FMO3: variants seen among roughly 807,000 people sequenced by gnomAD.
The protein encoded by FMO3 is flavin containing dimethylaniline monoxygenase 3.
A neutral mutation model predicts 39.4 loss-of-function variants in FMO3; 40 were observed. The ratio of observed to expected loss-of-function variants is 1.02; its 90% CI spans 0.79 to 1.32. FMO3 has a LOEUF of 1.32. Ranked by LOEUF, FMO3 falls within the 40% of genes most tolerant of loss-of-function variation. FMO3 has a pLI of 0.00. For missense variants in FMO3, 680 were observed against 651.8 expected (o/e 1.04, Z -0.47); for synonymous variants, 219 against 228.8 (o/e 0.96, Z 0.39).
chr1:171,108,233 C>T lies in FMO3; in HGVS notation c.627+12C>T, dbSNP rs531988135. On this transcript the variant is annotated intron_variant, in intron 5 of 8. Transcript: ENST00000367755. ...GCACAGCAGAACAGGTACTACTCCC[C>T]GGGTACTCGGGTGACTCTCGTTACT... 271 of 1,613,472 alleles carry T rather than the reference C, an allele frequency of 1.7e-4. No homozygotes were observed. The highest frequency in any genetic ancestry group is 2.2e-4 in the Non-Finnish European group (257 of 1,179,686).
At chr1:171,115,814 G>A (rs116805194) in intron 7 of FMO3, among the ~76,000 whole-genome samples, 2 of 152,008 alleles carry the variant, frequency 1.3e-5, no homozygotes, top group African/African-American at 2.4e-5. Flanking sequence ...CACCAAATTC[G>A]ATATCTTATC....
At chr1:171,092,965 A>T (rs6608462) in intron 2 of FMO3, among the ~76,000 whole-genome samples, 175 bp downstream of exon 2, 16 of 152,202 alleles carry the variant, frequency 1.1e-4, no homozygotes, top group African/African-American at 3.1e-4. Flanking sequence ...CTTGCAAGTC[A>T]GAAGTAAATT....
At position 171,103,792 on chromosome 1, in the gene FMO3, C is replaced by A; in HGVS notation, c.140C>A (p.Ala47Glu). 6.2e-7 allele frequency: 1 copy of A among 1,612,586 alleles called. No homozygotes were observed. Among genetic ancestry groups the A allele is most frequent in the Non-Finnish European group, 8.5e-7 (1 of 1,178,738 alleles). The change falls in exon 3 of 9, where the codon GCA becomes GAA. Residue 47 changes from alanine to glutamate, a missense_variant. By Grantham distance (107) the Ala-to-Glu change is moderately radical. Coordinates refer to ENST00000367755, the MANE Select transcript of FMO3 (RefSeq NM_001002294.3). ...GATACTATACATTCACAGGACCATG[C>A]AGAGGAGGGCAGGGCTAGCATTTAC... Reference protein sequence around the residue: ...IGGLWKFSDHAEEGRASIYKS... With the variant: ...IGGLWKFSDHEEEGRASIYKS...
At chr1:171,101,252 T>C (rs1314241083) in intron 2 of FMO3, 4 of 456,038 alleles carry the variant, frequency 8.8e-6, no homozygotes, top group African/African-American at 2.0e-5. Flanking sequence ...GATTCCCGAC[T>C]GCTGACTTCT....
chr1:171,103,093 A>T (rs1655479392), intron 2 of FMO3, among the ~76,000 whole-genome samples: 2 of 152,164 alleles, frequency 1.3e-5, no homozygotes, highest in Non-Finnish European at 2.9e-5. Flanking sequence ...TGACCATTAG[A>T]TGCTTGTGCT....
At chr1:171,095,880 AATT>A (rs1484466213) in intron 2 of FMO3, among the ~76,000 whole-genome samples, 2 of 100,900 alleles carry the variant, frequency 2.0e-5, no homozygotes, top group Admixed American at 1.6e-4. Context: ...TATAAAATAT[AATT>A]ATATTATATA....
chr1:171,113,819 TAAC>T (rs1656017066), intron 6 of FMO3, among the ~76,000 whole-genome samples, 185 bp from the exon 7 acceptor site: 1 of 152,034 alleles, frequency 6.6e-6, no homozygotes, highest in African/African-American at 2.4e-5. Context: ...GGCCAGCAAA[TAAC>T]AACTTCTCTT....
At chr1:171,116,304 A>T (rs1656150015) in intron 8 of FMO3, 24 bp downstream of exon 8, 1 of 1,241,048 alleles carries the variant, frequency 8.1e-7, no homozygotes, top group African/African-American at 1.5e-5. Context: ...TTGTAATAGG[A>T]GTGTAGGATT....
intron 3 of FMO3, among the ~76,000 whole-genome samples, chr1:171,107,097 T>A (rs1218593452): frequency 6.6e-6 from 1 of 152,188 alleles, no homozygotes; most frequent in Non-Finnish European, 1.5e-5. Context: ...AAGATTTTTT[T>A]AAAACAGGGA....
At chr1:171,111,619 T>C (rs907572889) in intron 6 of FMO3, among the ~76,000 whole-genome samples, 1 of 152,184 alleles carries the variant, frequency 6.6e-6, no homozygotes, top group African/African-American at 2.4e-5. Context: ...TACCAATGCT[T>C]GCATCTTCAG....
chr1:171,117,392 C>A lies in FMO3; in HGVS notation c.1549C>A (p.Leu517Ile), dbSNP rs1444357091. 6.2e-7 allele frequency: 1 copy of A among 1,613,106 alleles called. No individual in the cohort carries two copies. The stretch of plus-strand genomic sequence containing the variant: ...TTGCTTCTTTTTCCATTGGCTGAAG[C>A]TCTTTGCAATTCCTATTCTGTTAAT... Reference protein sequence around the residue: ...KPCFFFHWLKLFAIPILLIAV... With the variant: ...KPCFFFHWLKIFAIPILLIAV... The change falls in exon 9 of 9, where the codon CTC becomes ATC. Residue 517 changes from leucine (L) to isoleucine (I), a missense_variant. Transcript: ENST00000367755.
In FMO3 at chr1:171,117,189, G is replaced by A; in HGVS notation, c.1346G>A (p.Trp449Ter). 6.2e-7 allele frequency: 1 copy of A among 1,614,098 alleles called. No homozygotes were observed. The highest frequency in any genetic ancestry group is 8.5e-7 in the Non-Finnish European group (1 of 1,179,974). The change falls in exon 9 of 9, where the codon TGG (tryptophan) becomes TAG (stop). Residue 449 changes from tryptophan (W) to a stop codon, truncating the protein, a stop_gained. Coordinates refer to ENST00000367755, the MANE Select transcript of FMO3 (RefSeq NM_001002294.3). LOFTEE classifies it low-confidence loss of function (END_TRUNC). ...ATTGGGGCAAAGCCCAACATCCCATGGCTGTTTCTCACAGATCCCAAATTG... is the reference window on the plus strand; with the variant it reads ...ATTGGGGCAAAGCCCAACATCCCATAGCTGTTTCTCACAGATCCCAAATTG... ...SFIGAKPNIP[W>*]LFLTDPKLAM...
At chr1:171,099,651 GA>G (rs1352119481) in intron 2 of FMO3, among the ~76,000 whole-genome samples, 2 of 150,558 alleles carry the variant, frequency 1.3e-5, no homozygotes, top group Non-Finnish European at 2.9e-5. Context: ...TAATGGTGGA[GA>G]AAAGATCCCA....
Position 171,107,807 on chromosome 1 carries a change from T to C in FMO3, c.454T>C (p.Tyr152His). 6.2e-7 allele frequency: 1 copy of C among 1,614,000 alleles called. No homozygotes were observed. Among genetic ancestry groups the C allele is most frequent in the South Asian group, 1.1e-5 (1 of 91,088 alleles). The change falls in exon 4 of 9, where the codon TAT (tyrosine) becomes CAT (histidine). Residue 152 changes from tyrosine (Y) to histidine (H), a missense_variant. Tyr to His is a moderately conservative substitution (Grantham distance 83, BLOSUM62 2). Transcript: ENST00000367755. Reference sequence around the variant, plus strand: ...AATGGTTTGTTCCGGACATCATGTGTATCCCAACCTACCAAAAGAGTCCTT... The same window carrying C: ...AATGGTTTGTTCCGGACATCATGTGCATCCCAACCTACCAAAAGAGTCCTT... Reference protein sequence around the residue: ...AVMVCSGHHVYPNLPKESFPG... With the variant: ...AVMVCSGHHVHPNLPKESFPG...
chr1:171,105,909 AATCTTT>A (rs1206635921), intron 3 of FMO3, among the ~76,000 whole-genome samples: 2 of 152,132 alleles, frequency 1.3e-5, no homozygotes, highest in Admixed American at 1.3e-4. Flanking sequence ...ACATTATCTT[AATCTTT>A]ATCTTAATTT....
intron 6 of FMO3, 128 bp from the exon 7 acceptor site, chr1:171,113,879 G>T: frequency 1.7e-6 from 1 of 604,946 alleles, no homozygotes; most frequent in Non-Finnish European, 2.9e-6. Flanking sequence ...AGCCATATTG[G>T]AGATACTCTA....
At chr1:171,110,717 C>A in intron 5 of FMO3, 81 bp from the exon 6 acceptor site, 1 of 1,291,452 alleles carries the variant, frequency 7.7e-7, no homozygotes, top group Non-Finnish European at 1.1e-6. Context: ...AGATCCATTC[C>A]TCAAGAGGGA....
chr1:171,108,902 C>A (rs1386848155), intron 5 of FMO3, among the ~76,000 whole-genome samples: 4 of 152,016 alleles, frequency 2.6e-5, no homozygotes, highest in Non-Finnish European at 5.9e-5. Flanking sequence ...AGTCCTTGAA[C>A]AATAAATATA....
At chr1:171,098,925 G>C (rs1424181517) in intron 2 of FMO3, among the ~76,000 whole-genome samples, 4 of 152,112 alleles carry the variant, frequency 2.6e-5, no homozygotes, top group African/African-American at 7.2e-5. Context: ...TTGGCTGTGG[G>C]TTTGTCATAA....
Sources: gnomAD v4.1 joint callset for allele counts (sites outside exome capture counted in the v4.1 genomes callset) on GRCh38, gnomAD v4.1.1 for gene constraint, MANE v1.5 for transcripts, NCBI Gene and HGNC (gene_info 2026-07-23, HGNC 2026-07-21) for gene names.